DDHD2: variants seen among roughly 807,000 people sequenced by gnomAD.
DDHD2 encodes the protein triacylglycerol hydrolase DDHD2.
Under a neutral mutation model 91.2 loss-of-function variants are expected in DDHD2, and 62 were observed. That is an observed-to-expected ratio of 0.68 (90% CI 0.55 to 0.84). DDHD2 has a LOEUF of 0.84. Among genes scored for constraint, DDHD2 ranks in the 40% least tolerant of loss-of-function variants. The probability of loss-of-function intolerance (pLI) is 0.00; values close to 1 mark genes in which losing one functional copy is unlikely to be tolerated. For synonymous variants in DDHD2, 271 were observed against 293.9 expected (o/e 0.92, Z 0.80); for missense variants, 740 against 846.9 (o/e 0.87, Z 1.57).
At chr8:38,259,891 GC>G in intron 16 of DDHD2, 148 bp from the exon 17 acceptor site, 1 of 597,730 alleles carries the variant, frequency 1.7e-6, no homozygotes, top group South Asian at 2.1e-5. Flanking sequence ...CCAAACCACT[GC>G]CAATTACATT....
intron 3 of DDHD2, 105 bp downstream of exon 3, chr8:38,234,689 C>A: frequency 2.3e-6 from 2 of 874,220 alleles, no homozygotes; most frequent in Non-Finnish European, 3.4e-6. Flanking sequence ...GACTTTGGTT[C>A]TGTCTGCATC....
intron 11 of DDHD2, chr8:38,250,851 C>T (rs373706687): frequency 1.3e-5 from 2 of 152,136 alleles, no homozygotes; most frequent in African/African-American, 4.8e-5. Flanking sequence ...TGCCCCCAGC[C>T]TCTGTCAACC....
At chr8:38,238,960 C>T (rs574873412) in intron 5 of DDHD2, 1 of 152,488 alleles carries the variant, frequency 6.6e-6, no homozygotes, top group Non-Finnish European at 1.5e-5. Flanking sequence ...TGTACACACA[C>T]AGAGAATCAT....
chr8:38,266,004 T>C, downstream of DDHD2: 1 of 629,394 alleles, frequency 1.6e-6, no homozygotes, highest in Non-Finnish European at 2.6e-6. Context: ...TAAATGTACT[T>C]AGTACAGAAC....
intron 1 of DDHD2, chr8:38,270,934 T>A (rs1808448446): frequency 6.6e-6 from 1 of 152,124 alleles, no homozygotes; most frequent in South Asian, 2.1e-4. Context: ...AAAACAGAAA[T>A]GTTTTTTGAA....
At chr8:38,236,716 C>T (rs1804796060) in intron 3 of DDHD2, among the ~76,000 whole-genome samples, 3 of 152,074 alleles carry the variant, frequency 2.0e-5, no homozygotes, top group Admixed American at 6.6e-5. Context: ...GATGGGATTT[C>T]TTCATGTTGG....
intron 6 of DDHD2, among the ~76,000 whole-genome samples, chr8:38,241,307 A>G (rs1334532721): frequency 6.6e-6 from 1 of 151,434 alleles, no homozygotes; most frequent in East Asian, 1.9e-4. Flanking sequence ...CAACTGCAAG[A>G]CTGTTGTTAT....
Position 38,245,963 on chromosome 8 carries a change from G to A in DDHD2, c.1057+13G>A. ...GGTCATAGTTTAGGTAACAAAATGA[G>A]TTCTGTGTGACCAGAGAAGACTATC... On this transcript the variant is annotated intron_variant, in intron 8 of 17. Transcript: ENST00000397166. The A allele has an allele frequency of 6.2e-7, 1 of 1,605,608 alleles. No homozygotes were observed. Among genetic ancestry groups the A allele is most frequent in the Non-Finnish European group, 8.5e-7 (1 of 1,174,352 alleles).
chr8:38,243,088 G>A (rs1805369730), intron 7 of DDHD2, among the ~76,000 whole-genome samples: 2 of 152,078 alleles, frequency 1.3e-5, no homozygotes, highest in Non-Finnish European at 2.9e-5. Flanking sequence ...CTGTGATTTG[G>A]GTATATTCTG....
intron 16 of DDHD2, chr8:38,255,232 A>T (rs1348683224): frequency 3.0e-6 from 1 of 330,258 alleles, no homozygotes. Context: ...AAAGGTCCTA[A>T]GAATAATTTT....
chr8:38,235,645 C>G (rs986096875), intron 3 of DDHD2, among the ~76,000 whole-genome samples: 2 of 148,462 alleles, frequency 1.3e-5, no homozygotes, highest in Admixed American at 6.8e-5. Flanking sequence ...TGCTTGAACC[C>G]GGGAGGTGGA....
At chr8:38,239,554 G>T (rs561707393) in intron 5 of DDHD2, among the ~76,000 whole-genome samples, 12 of 149,436 alleles carry the variant, frequency 8.0e-5, no homozygotes, top group African/African-American at 2.9e-4. Context: ...AGGTGTGGTG[G>T]CGTGTGCGTG....
intron 6 of DDHD2, among the ~76,000 whole-genome samples, chr8:38,241,364 A>C (rs1185797296): frequency 6.6e-6 from 1 of 151,178 alleles, no homozygotes; most frequent in Non-Finnish European, 1.5e-5. Flanking sequence ...CATGATGCCG[A>C]CGTTTTGAAG....
At chr8:38,267,168 A>G, downstream of DDHD2, 1 of 1,601,990 alleles carries the variant, frequency 6.2e-7, no homozygotes, top group Non-Finnish European at 8.5e-7. Context: ...CAAATTGTAG[A>G]AACAAGAGTA....
At chr8:38,252,664 T>G in intron 13 of DDHD2, 58 bp from the exon 14 acceptor site, 1 of 1,206,478 alleles carries the variant, frequency 8.3e-7, no homozygotes, top group Non-Finnish European at 1.2e-6. Flanking sequence ...AAAAAAGTTA[T>G]ATAGTTTCCA....
chr8:38,238,806 C>A, intron 5 of DDHD2: 1 of 555,590 alleles, frequency 1.8e-6, no homozygotes, highest in Non-Finnish European at 2.3e-6. Flanking sequence ...GATTCAATAA[C>A]TGTATTATGG....
intron 11 of DDHD2, chr8:38,250,928 T>C (rs1370930951): frequency 2.0e-5 from 3 of 152,226 alleles, no homozygotes; most frequent in Non-Finnish European, 4.4e-5. Flanking sequence ...GAATGTCCTT[T>C]TGAGCCATGT....
rs1285927295 is a variant in DDHD2, at chr8:38,253,124, A to T, written c.1888A>T (p.Ser630Cys). ...AEPESTSEKP[S>C]DVNTEETSVA... is the part of the protein sequence containing the mutation. Reference sequence around the variant, plus strand: ...ACCTGAATCAACTTCAGAGAAGCCTAGTGGTCAGTGACACTGTACACATTG... The same window carrying T: ...ACCTGAATCAACTTCAGAGAAGCCTTGTGGTCAGTGACACTGTACACATTG... The change falls in exon 15 of 18, where the codon AGT becomes TGT. Residue 630 changes from serine to cysteine, a missense_variant. By Grantham distance (112) the Ser-to-Cys change is moderately radical. This residue lies in a region of DDHD2 where 693 missense variants were observed against 764.2 expected (regional missense o/e 0.91). Coordinates refer to ENST00000397166, the MANE Select transcript of DDHD2 (RefSeq NM_015214.3). The T allele has an allele frequency of 6.2e-7, 1 of 1,613,350 alleles. No individual in the cohort carries two copies. Among genetic ancestry groups the T allele is most frequent in the Admixed American group, 1.7e-5 (1 of 59,858 alleles).
At chr8:38,269,155 G>T in intron 1 of DDHD2, 1 of 1,513,258 alleles carries the variant, frequency 6.6e-7, no homozygotes, top group Non-Finnish European at 8.8e-7. Context: ...CGAGCCGCAC[G>T]CCCACTTCGG....
Sources: allele counts gnomAD v4.1 joint callset (sites outside exome capture counted in the v4.1 genomes callset), GRCh38; gene constraint gnomAD v4.1.1; regional missense constraint gnomAD v4.1.1; transcripts MANE v1.5; gene names NCBI Gene and HGNC (gene_info 2026-07-23, HGNC 2026-07-21).